LRP1B: variants seen among roughly 807,000 people sequenced by gnomAD.
LRP1B encodes the protein low-density lipoprotein receptor-related protein 1B.
Under a neutral mutation model 556.6 loss-of-function variants are expected in LRP1B, and 217 were observed. The observed-to-expected ratio is 0.39, with a 90% CI of 0.35 to 0.44. LRP1B has a LOEUF of 0.44. Among genes scored for constraint, LRP1B ranks in the 20% least tolerant of loss-of-function variants. LRP1B has a pLI of 1.00. For missense variants in LRP1B, 5,053 were observed against 5,620.8 expected, an observed-to-expected ratio of 0.90 and a Z score of 3.23; for synonymous variants, 2,047 against 1,865.8, an observed-to-expected ratio of 1.10 and a Z score of -2.50.
At chr2:140,835,343 A>C (rs935919734) in intron 31 of LRP1B, among the ~76,000 whole-genome samples, 9 of 152,136 alleles carry the variant, frequency 5.9e-5, no homozygotes, top group Non-Finnish European at 1.2e-4. Flanking sequence ...ATGACAGAGA[A>C]ACTTTTACCA....
At chr2:140,984,744 T>A (rs1271479482) in intron 17 of LRP1B, among the ~76,000 whole-genome samples, 1 of 152,096 alleles carries the variant, frequency 6.6e-6, no homozygotes, top group Non-Finnish European at 1.5e-5. Context: ...CACTGGATTA[T>A]TATAGAGTGG....
intron 2 of LRP1B, among the ~76,000 whole-genome samples, chr2:141,608,454 T>C (rs2105318733): frequency 6.6e-6 from 1 of 152,294 alleles, no homozygotes; most frequent in Admixed American, 6.5e-5. Flanking sequence ...CTCCAATATC[T>C]GCTACGGTGA....
At chr2:140,368,786 A>G (rs1402185011) in intron 71 of LRP1B, among the ~76,000 whole-genome samples, 1 of 151,856 alleles carries the variant, frequency 6.6e-6, no homozygotes, top group African/African-American at 2.4e-5. Flanking sequence ...CATTTCCTCA[A>G]TGCCTTAAAA....
chr2:140,684,878 A>G (rs1008031701), intron 41 of LRP1B, among the ~76,000 whole-genome samples: 1 of 152,186 alleles, frequency 6.6e-6, no homozygotes, highest in African/African-American at 2.4e-5. Context: ...GGAAAATCAA[A>G]TGCTTCTAAC....
At chr2:140,637,549 G>A (rs1288958469) in intron 41 of LRP1B, among the ~76,000 whole-genome samples, 1 of 152,112 alleles carries the variant, frequency 6.6e-6, no homozygotes, top group Non-Finnish European at 1.5e-5. Context: ...TTCTGCTTCT[G>A]TATGAATTTT....
chr2:141,579,724 C>CTTTTTTTTTTTTTTTTTTTT lies in LRP1B; in HGVS notation c.206-99192_206-99191insAAAAAAAAAAAAAAAAAAAA, dbSNP rs33913417. Reference sequence around the variant, plus strand: ...CATAAGGAAAACATATCAGGTTTCACTTTTTTTTTTTTTTTTTTGAGACGG... The same window carrying CTTTTTTTTTTTTTTTTTTTT: ...CATAAGGAAAACATATCAGGTTTCACTTTTTTTTTTTTTTTTTTTTTTTTTTTTTTTTTTTTTTGAGACGG... On this transcript the variant is annotated intron_variant, in intron 2 of 90. Transcript: ENST00000389484. Among the ~76,000 whole-genome samples, 247 of 100,942 alleles carry CTTTTTTTTTTTTTTTTTTTT rather than the reference C, an allele frequency of 2.4e-3. 32 individuals are homozygous for CTTTTTTTTTTTTTTTTTTTT. The highest frequency in any genetic ancestry group is 8.7e-3 in the East Asian group (30 of 3,458). 66.2% of individuals were successfully genotyped at this position (100,942 alleles called of 152,430 possible).
At chr2:140,838,030 C>CT (rs541054601) in intron 31 of LRP1B, among the ~76,000 whole-genome samples, 53 of 146,606 alleles carry the variant, frequency 3.6e-4, no homozygotes, top group East Asian at 1.2e-3. Flanking sequence ...CTCTTATAAA[C>CT]TTTTTTTTTT....
At chr2:141,166,397 T>A (rs2105127142) in intron 7 of LRP1B, among the ~76,000 whole-genome samples, 1 of 151,300 alleles carries the variant, frequency 6.6e-6, no homozygotes, top group African/African-American at 2.4e-5. Context: ...ATTTTAATAT[T>A]TACAGGAGCA....
chr2:141,639,311 TATA>T (rs1374787427), intron 2 of LRP1B, among the ~76,000 whole-genome samples: 2 of 4,518 alleles, frequency 4.4e-4, no homozygotes, highest in African/African-American at 4.5e-4. Context: ...TGTGTATATA[TATA>T]TATATATATA....
chr2:142,077,368 T>C (rs915141221), intron 1 of LRP1B, among the ~76,000 whole-genome samples: 1 of 152,146 alleles, frequency 6.6e-6, no homozygotes, highest in Non-Finnish European at 1.5e-5. Context: ...AGGGACTATG[T>C]CTTATTTAAA....
chr2:140,576,037 C>T (rs1041462378), intron 43 of LRP1B, among the ~76,000 whole-genome samples: 4 of 152,132 alleles, frequency 2.6e-5, no homozygotes, highest in Non-Finnish European at 5.9e-5. Context: ...TACTCTTGAT[C>T]TTTTGAAATG....
At chr2:140,961,710 TATA>T (rs1341708034) in intron 18 of LRP1B, among the ~76,000 whole-genome samples, 2 of 152,104 alleles carry the variant, frequency 1.3e-5, no homozygotes, top group Non-Finnish European at 2.9e-5. Flanking sequence ...GTTATCACAA[TATA>T]ATATTATTTT....
chr2:140,954,766 G>C (rs556912616), intron 18 of LRP1B, among the ~76,000 whole-genome samples: 1 of 151,932 alleles, frequency 6.6e-6, no homozygotes, highest in Non-Finnish European at 1.5e-5. Context: ...TAATGTAAAC[G>C]TGTGCTTTAA....
intron 1 of LRP1B, among the ~76,000 whole-genome samples, chr2:141,993,607 ATT>A (rs78440589): frequency 0.22 from 32,775 of 151,932 alleles, 4,141 homozygotes; most frequent in East Asian, 0.31. Flanking sequence ...TTATTATCCT[ATT>A]TTCTTTATTT....
At chr2:140,887,327 G>A (rs1024496632) in intron 23 of LRP1B, among the ~76,000 whole-genome samples, 1 of 152,078 alleles carries the variant, frequency 6.6e-6, no homozygotes, top group Non-Finnish European at 1.5e-5. Flanking sequence ...ACCTAATTTT[G>A]GATTAGCTCT....
chr2:141,859,568 G>A (rs1357832916), intron 1 of LRP1B, among the ~76,000 whole-genome samples: 1 of 152,142 alleles, frequency 6.6e-6, no homozygotes, highest in African/African-American at 2.4e-5. Context: ...GATTTAAAAA[G>A]TATGTTTCCT....
At chr2:141,351,555 T>C (rs1259727697) in intron 3 of LRP1B, among the ~76,000 whole-genome samples, 2 of 151,988 alleles carry the variant, frequency 1.3e-5, no homozygotes, top group African/African-American at 4.8e-5. Flanking sequence ...CCAGAATCCA[T>C]TGTGTAACCC....
chr2:142,026,234 T>C (rs1574608158), intron 1 of LRP1B, among the ~76,000 whole-genome samples: 2 of 152,120 alleles, frequency 1.3e-5, no homozygotes, highest in Non-Finnish European at 2.9e-5. Context: ...TACTCTCATT[T>C]TTAACTTAAA....
At chr2:141,704,021 A>G (rs2105466992) in intron 2 of LRP1B, among the ~76,000 whole-genome samples, 1 of 151,926 alleles carries the variant, frequency 6.6e-6, no homozygotes, top group East Asian at 1.9e-4. Flanking sequence ...AGTGATTCTG[A>G]TGAGAGATTT....
Sources: allele counts gnomAD v4.1 joint callset (sites outside exome capture counted in the v4.1 genomes callset), GRCh38; gene constraint gnomAD v4.1.1; transcripts MANE v1.5; gene names NCBI Gene and HGNC (gene_info 2026-07-23, HGNC 2026-07-21).